The following SIDT1 variants were observed in gnomAD, a reference collection of about 807,000 sequenced individuals.
The protein encoded by SIDT1 is SID1 transmembrane family, member 1.
Under a neutral mutation model 107.5 loss-of-function variants are expected in SIDT1, and 101 were observed. The observed-to-expected ratio is 0.94, with a 90% CI of 0.80 to 1.11. SIDT1 has a LOEUF of 1.11. Among genes scored for constraint, SIDT1 ranks in the 50% least tolerant of loss-of-function variants. SIDT1 has a pLI of 0.00. For synonymous variants in SIDT1, 395 were observed against 398.2 expected (o/e 0.99, Z 0.10); for missense variants, 1,076 against 1,058.2 (o/e 1.02, Z -0.23).
the SIDT1 span, among the ~76,000 whole-genome samples, chr3:113,635,822 G>A: frequency 4.0e-5 from 6 of 150,780 alleles, no homozygotes; most frequent in East Asian, 3.9e-4. Context: ...AGCCGAGATC[G>A]TACTACTGTG....
intron 14 of SIDT1, 146 bp downstream of exon 14, chr3:113,605,122 C>CGCTTTTT: frequency 3.3e-6 from 1 of 307,000 alleles, no homozygotes. Flanking sequence ...CTATTGCTTC[C>CGCTTTTT]TCTTTTTTTT....
rs568954676 is a variant in SIDT1 at position 113,569,128 on chromosome 3, G to C, written c.515+1418G>C. On this transcript the variant is annotated intron_variant, in intron 3 of 24. Coordinates refer to ENST00000264852, the MANE Select transcript of SIDT1 (RefSeq NM_017699.3). The stretch of plus-strand genomic sequence containing the variant: ...CACTCCAGCCTGGGTGAAGGAGTGA[G>C]ACTCCCTCTCAAAAAAAAAAAAAAA... Among the ~76,000 whole-genome samples, 210 of 105,270 alleles carry C rather than the reference G, an allele frequency of 2.0e-3. 1 individual carries two copies. The South Asian group carries it at 0.033, about 17-fold the overall frequency. 69.1% of individuals were successfully genotyped at this position (105,270 alleles called of 152,430 possible).
At chr3:113,630,382 C>T (rs1269558142), downstream of SIDT1, among the ~76,000 whole-genome samples, 1 of 152,136 alleles carries the variant, frequency 6.6e-6, no homozygotes, top group Non-Finnish European at 1.5e-5. Context: ...ATTTTAGCAG[C>T]AGGAGAAGCC....
intron 9 of SIDT1, among the ~76,000 whole-genome samples, chr3:113,590,454 G>A (rs1008590430): frequency 1.3e-5 from 2 of 152,108 alleles, no homozygotes; most frequent in African/African-American, 2.4e-5. Flanking sequence ...TAGTTTGTTT[G>A]TTAATAATGA....
chr3:113,559,446 T>A (rs1476725636), intron 1 of SIDT1, among the ~76,000 whole-genome samples: 3 of 151,728 alleles, frequency 2.0e-5, no homozygotes, highest in East Asian at 1.9e-4. Flanking sequence ...TTTTTTTTTT[T>A]TTTTATTTTT....
chr3:113,580,457 T>G, intron 4 of SIDT1, 151 bp from the exon 5 acceptor site: 1 of 605,150 alleles, frequency 1.7e-6, no homozygotes, highest in Non-Finnish European at 3.0e-6. Flanking sequence ...CCTGCGCAGA[T>G]TTAGTTTCTC....
In SIDT1 at chr3:113,584,776, G is replaced by A; in HGVS notation, c.907+7G>A. ...ATTGTCCCTTCCATTAAAGGTCAGT[G>A]TTGGCTCCAGAATGCATTGAAGAGA... is the stretch of plus-strand genomic sequence containing the variant. On this transcript the variant is annotated splice_region_variant and intron_variant, in intron 8 of 24. Transcript: ENST00000264852. The A allele has an allele frequency of 1.3e-6, 2 of 1,573,636 alleles. No individual in the cohort carries two copies. Among genetic ancestry groups the A allele is most frequent in the South Asian group, 1.2e-5 (1 of 83,886 alleles).
downstream of SIDT1, among the ~76,000 whole-genome samples, chr3:113,632,246 T>C (rs558830062): frequency 1.1e-4 from 16 of 152,322 alleles, no homozygotes; most frequent in South Asian, 1.5e-3. Flanking sequence ...CATGGCTCAC[T>C]CTTGAGCCCC....
At chr3:113,632,264 T>C (rs1947099655), downstream of SIDT1, among the ~76,000 whole-genome samples, 4 of 152,234 alleles carry the variant, frequency 2.6e-5, no homozygotes, top group Admixed American at 2.0e-4. Flanking sequence ...CCCTGTTTTA[T>C]ATTTAAATCT....
intron 2 of SIDT1, 109 bp from the exon 3 acceptor site, chr3:113,567,431 G>A (rs1942019992): frequency 1.1e-6 from 1 of 875,930 alleles, no homozygotes; most frequent in Admixed American, 2.6e-5. Context: ...ATAAGGACCT[G>A]AAAATGAATT....
chr3:113,561,947 A>G (rs1941468422), intron 1 of SIDT1, among the ~76,000 whole-genome samples: 1 of 152,212 alleles, frequency 6.6e-6, no homozygotes, highest in Non-Finnish European at 1.5e-5. Flanking sequence ...TCTGACTGCT[A>G]TAGCTTTTAA....
chr3:113,551,152 T>A (rs1940188912), intron 1 of SIDT1, among the ~76,000 whole-genome samples: 1 of 152,198 alleles, frequency 6.6e-6, no homozygotes, highest in Non-Finnish European at 1.5e-5. Context: ...ATTTTCTTTA[T>A]CCAATCTATC....
At chr3:113,619,952 C>G in intron 21 of SIDT1, 1 of 456,834 alleles carries the variant, frequency 2.2e-6, no homozygotes, top group Non-Finnish European at 4.0e-6. Flanking sequence ...AGACAAACAT[C>G]AAAACTTGTT....
downstream of SIDT1, among the ~76,000 whole-genome samples, chr3:113,631,180 C>G (rs2107894784): frequency 6.6e-6 from 1 of 152,272 alleles, no homozygotes; most frequent in Admixed American, 6.5e-5. Flanking sequence ...CTGGGAATCT[C>G]AAGAAAAACC....
chr3:113,604,422 C>T (rs1175138918), intron 13 of SIDT1, among the ~76,000 whole-genome samples: 2 of 152,230 alleles, frequency 1.3e-5, no homozygotes, highest in African/African-American at 4.8e-5. Context: ...CACACCCTTT[C>T]ACGTGATCCG....
intron 1 of SIDT1, among the ~76,000 whole-genome samples, chr3:113,561,900 A>C (rs1192962013): frequency 6.6e-6 from 1 of 152,192 alleles, no homozygotes; most frequent in African/African-American, 2.4e-5. Flanking sequence ...TAGGTGAAAA[A>C]AGGGAGGCAG....
At chr3:113,615,142 GT>G in intron 19 of SIDT1, 1 of 1,508,722 alleles carries the variant, frequency 6.6e-7, no homozygotes, top group Non-Finnish European at 8.9e-7. Context: ...CCACCTGGCT[GT>G]CCTGGCAGCC....
intron 17 of SIDT1, 63 bp from the exon 18 acceptor site, chr3:113,610,945 A>C: frequency 6.4e-7 from 1 of 1,566,854 alleles, no homozygotes; most frequent in South Asian, 1.2e-5. Context: ...AAAAATCTAG[A>C]AAATATCATC....
intron 1 of SIDT1, among the ~76,000 whole-genome samples, chr3:113,557,229 T>C (rs1277592120): frequency 6.6e-6 from 1 of 152,202 alleles, no homozygotes. Flanking sequence ...AGCAAGTAAG[T>C]AAAAGCTGAA....
Sources: allele counts gnomAD v4.1 joint callset (sites outside exome capture counted in the v4.1 genomes callset), GRCh38; gene constraint gnomAD v4.1.1; transcripts MANE v1.5; gene names NCBI Gene and HGNC (gene_info 2026-07-23, HGNC 2026-07-21).